RYR2: variants seen among roughly 807,000 people sequenced by gnomAD.
RYR2 encodes ryanodine receptor 2.
In RYR2, 227 loss-of-function variants were observed where a neutral mutation model predicts 601.1. The observed-to-expected ratio is 0.38, with a 90% CI of 0.34 to 0.42. The LOEUF (loss-of-function observed/expected upper bound fraction) is 0.42, where lower values mean the gene tolerates loss of function less well. Ranked by LOEUF, RYR2 falls within the 10% of genes least tolerant of loss-of-function variation. RYR2 has a pLI of 1.00. For missense variants in RYR2, 4,646 were observed against 6,156.5 expected (o/e 0.75, Z 8.21); for synonymous variants, 2,223 against 2,175.1 (o/e 1.02, Z -0.61).
chr1:237,646,732 T>C (rs1682201042), intron 48 of RYR2, among the ~76,000 whole-genome samples: 1 of 152,186 alleles, frequency 6.6e-6, no homozygotes, highest in Non-Finnish European at 1.5e-5. Context: ...ATCTTGCAGC[T>C]CTTGGCCCAG....
At chr1:237,132,909 C>A (rs116704749) in intron 1 of RYR2, among the ~76,000 whole-genome samples, 1,858 of 152,078 alleles carry the variant, frequency 0.012, 40 homozygotes, top group African/African-American at 0.043. Context: ...TCACTGGTCC[C>A]ACTTAATGCA....
At chr1:237,097,440 G>A (rs568002850) in intron 1 of RYR2, among the ~76,000 whole-genome samples, 67 of 152,240 alleles carry the variant, frequency 4.4e-4, no homozygotes, top group African/African-American at 1.4e-3. Flanking sequence ...ATTGGGTGAC[G>A]GTTGAGATCT....
Position 237,491,940 on chromosome 1 carries a change from T to C in RYR2, c.1827+16T>C. 1 of 1,006,864 alleles carries C rather than the reference T, an allele frequency of 9.9e-7. No homozygotes were observed. 62.4% of individuals were successfully genotyped at this position (1,006,864 alleles called of 1,614,324 possible). A position where few individuals can be genotyped will look rare whatever the true frequency, so the allele number is the denominator to read the frequency against. ...AAATCACAAGGTAAATGAACTATTT[T>C]ATTTCCCTGAATGAATTCTCAAATC... On this transcript the variant is annotated intron_variant, in intron 18 of 104. Coordinates refer to ENST00000366574, the MANE Select transcript of RYR2 (RefSeq NM_001035.3).
intron 83 of RYR2, 141 bp from the exon 84 acceptor site, chr1:237,760,814 C>CAATGGATGGAGACATGT (rs1553313766): frequency 3.3e-6 from 2 of 609,412 alleles, no homozygotes; most frequent in African/African-American, 1.9e-5. Flanking sequence ...GGTTGGTACG[C>CAATGGATGGAGACATGT]AATGAATGGA....
intron 52 of RYR2, among the ~76,000 whole-genome samples, chr1:237,655,373 G>A (rs969430190): frequency 2.6e-5 from 4 of 151,908 alleles, no homozygotes; most frequent in African/African-American, 9.7e-5. Flanking sequence ...ATTTTTCAAA[G>A]CTTTATAATG....
rs759287878 is a variant in RYR2, at chr1:237,706,990, A to G, written c.9622A>G (p.Ile3208Val). 1.9e-6 allele frequency: 3 copies of G among 1,613,974 alleles called. No homozygotes were observed. Among genetic ancestry groups the G allele is most frequent in the Admixed American group, 3.3e-5 (2 of 60,022 alleles). ...PTNVEDVCPN[I>V]PSLEKLMEEI... is the part of the protein sequence containing the mutation. ...TAATGTGGAAGATGTTTGTCCAAACATACCGTCTTTGGAGAAACTCATGGA... is the reference window on the plus strand; with the variant it reads ...TAATGTGGAAGATGTTTGTCCAAACGTACCGTCTTTGGAGAAACTCATGGA... Residue 3208 changes from isoleucine to valine, a missense_variant, in exon 68 of 105, where the codon ATA becomes GTA. Physicochemically the swap from Ile to Val is conservative, Grantham distance 29. This residue lies in a region of RYR2 where 1,497 missense variants were observed against 1,842.6 expected (regional missense o/e 0.81). Coordinates refer to ENST00000366574, the MANE Select transcript of RYR2 (RefSeq NM_001035.3).
chr1:237,177,281 T>C (rs1678162515), intron 1 of RYR2, among the ~76,000 whole-genome samples: 1 of 152,220 alleles, frequency 6.6e-6, no homozygotes. Flanking sequence ...ATTGTTAAAC[T>C]TTACATATTT....
intron 1 of RYR2, among the ~76,000 whole-genome samples, chr1:237,144,450 A>G (rs1673756801): frequency 6.6e-6 from 1 of 152,224 alleles, no homozygotes; most frequent in African/African-American, 2.4e-5. Context: ...AGAGACTGCG[A>G]GATAGGGACA....
At chr1:237,585,040 T>G (rs61832626) in intron 29 of RYR2, among the ~76,000 whole-genome samples, 31,474 of 152,076 alleles carry the variant, frequency 0.21, 3,866 homozygotes, top group South Asian at 0.37. Flanking sequence ...TTGGCCCTGC[T>G]GTTTTAAGTA....
At chr1:237,122,277 G>C (rs1211309501) in intron 1 of RYR2, among the ~76,000 whole-genome samples, 1 of 152,152 alleles carries the variant, frequency 6.6e-6, no homozygotes, top group Non-Finnish European at 1.5e-5. Context: ...GTGAAAAGAG[G>C]GTTCCTCAGT....
chr1:237,635,875 G>A (rs561461740), intron 44 of RYR2, among the ~76,000 whole-genome samples: 1 of 152,240 alleles, frequency 6.6e-6, no homozygotes, highest in East Asian at 1.9e-4. Context: ...CTCAGCCTCA[G>A]GGCCTCTGCA....
rs551115365 is a variant in RYR2 at position 237,387,197 on chromosome 1, C to T, written c.577-84C>T. 5.5e-5 allele frequency: 65 copies of T among 1,190,740 alleles called. 2 individuals carry two copies. In the South Asian group the frequency reaches 5.9e-4, roughly 11 times the overall value. The allele number at this position is 1,190,740 out of a possible 1,614,324, so 73.8% of individuals were successfully genotyped here. On this transcript the variant is annotated intron_variant, in intron 8 of 104. Transcript: ENST00000366574. ...TCTATGAACATAACCAAATCAGCAA[C>T]GTTAAGTTTGCATTCCTAGAAGCAC... is the stretch of plus-strand genomic sequence containing the variant.
At chr1:237,631,588 G>A in intron 42 of RYR2, 47 bp downstream of exon 42, 5 of 570,378 alleles carry the variant, frequency 8.8e-6, no homozygotes, top group South Asian at 1.8e-5. Context: ...ATCTCCTGGA[G>A]TATATAGATT....
chr1:237,452,077 T>TGTG (rs1553457209), intron 14 of RYR2, among the ~76,000 whole-genome samples: 3,577 of 74,512 alleles, frequency 0.048, 128 homozygotes, highest in African/African-American at 0.076. Context: ...ATATAAAATT[T>TGTG]TGTGTGTGTG....
At chr1:237,541,239 C>T (rs2618672) in intron 25 of RYR2, among the ~76,000 whole-genome samples, 137,983 of 152,200 alleles carry the variant, frequency 0.91, 63,963 homozygotes, top group Non-Finnish European at 1. Flanking sequence ...CTGATTGGGC[C>T]TAATTTAGGA....
intron 40 of RYR2, among the ~76,000 whole-genome samples, chr1:237,626,616 C>T (rs1220374629): frequency 1.4e-5 from 1 of 69,940 alleles, no homozygotes; most frequent in Non-Finnish European, 2.6e-5. Context: ...TTTTTTGAGA[C>T]AGTCTCGCTC....
At chr1:237,363,938 T>C (rs1414703930) in intron 4 of RYR2, among the ~76,000 whole-genome samples, 2 of 152,186 alleles carry the variant, frequency 1.3e-5, no homozygotes, top group Non-Finnish European at 2.9e-5. Context: ...TTTAATCTAC[T>C]GTTTTTATTA....
At chr1:237,297,263 A>G (rs80291395) in intron 2 of RYR2, among the ~76,000 whole-genome samples, 4,249 of 152,298 alleles carry the variant, frequency 0.028, 91 homozygotes, top group Non-Finnish European at 0.045. Context: ...GGAAAGAACA[A>G]GACCAAGCCT....
At position 237,654,347 on chromosome 1, in the gene RYR2, C is replaced by A. The variant is rs1683043018; in HGVS notation, c.7898C>A (p.Ala2633Asp). 1 of 1,613,844 alleles carries A rather than the reference C, an allele frequency of 6.2e-7. No individual in the cohort carries two copies. The highest frequency in any genetic ancestry group is 8.5e-7 in the Non-Finnish European group (1 of 1,179,816). Residue 2633 changes from alanine (A) to aspartate (D), a missense_variant, in exon 52 of 105, where the codon GCC becomes GAC. Physicochemically the swap from Ala to Asp is moderately radical, Grantham distance 126. Transcript: ENST00000366574. ...GGAGGGTGGGGAAACTTTGGTGCTG[C>A]CTCAGAAGAAGAACTTCATTTATCA... Reference protein sequence around the residue: ...LPGGWGNFGAASEEELHLSRK... With the variant: ...LPGGWGNFGADSEEELHLSRK...
Sources: allele counts gnomAD v4.1 joint callset (sites outside exome capture counted in the v4.1 genomes callset), GRCh38; gene constraint gnomAD v4.1.1; regional missense constraint gnomAD v4.1.1; transcripts MANE v1.5; gene names NCBI Gene and HGNC (gene_info 2026-07-23, HGNC 2026-07-21).